The following TTC21A variants were observed in gnomAD, a reference collection of about 807,000 sequenced individuals.
TTC21A encodes the protein tetratricopeptide repeat protein 21A.
Under a neutral mutation model 156.4 loss-of-function variants are expected in TTC21A, and 128 were observed. That is an observed-to-expected ratio of 0.82 (90% CI 0.71 to 0.95). The LOEUF (loss-of-function observed/expected upper bound fraction) is 0.95, where lower values mean the gene tolerates loss of function less well. TTC21A is among the 40% of genes least tolerant of loss of function. The probability of loss-of-function intolerance (pLI) is 0.00; values close to 1 mark genes in which losing one functional copy is unlikely to be tolerated. For missense variants in TTC21A, 1,435 were observed against 1,602.3 expected, an observed-to-expected ratio of 0.90 and a Z score of 1.78; for synonymous variants, 587 against 617.1, an observed-to-expected ratio of 0.95 and a Z score of 0.72.
rs2039166356 is a variant in TTC21A, at chr3:39,137,057, G to A, written c.3254G>A (p.Ser1085Asn). 4 of 1,613,788 alleles carry A rather than the reference G, an allele frequency of 2.5e-6. No homozygotes were observed. Among genetic ancestry groups the A allele is most frequent in the Non-Finnish European group, 3.4e-6 (4 of 1,179,886 alleles). ...GEAFENQGAE[S>N]NYMEKKELEQ... is the part of the protein sequence containing the mutation. ...GCTTTTGAGAACCAGGGAGCTGAGA[G>A]CAAGTAAGGGCCCATGGAGGCAGGG... The change falls in exon 24 of 29, where the codon AGC (serine) becomes AAC (asparagine). Residue 1085 changes from serine (S) to asparagine (N), a missense_variant. Physicochemically the swap from Ser to Asn is conservative, Grantham distance 46. Coordinates refer to ENST00000683103, the MANE Select transcript of TTC21A (RefSeq NM_001366900.1).
In TTC21A at chr3:39,121,102, T is replaced by C. The variant is rs769246568; in HGVS notation, c.1006T>C (p.Phe336Leu). The C allele has an allele frequency of 3.7e-5, 60 of 1,614,002 alleles. No individual in the cohort carries two copies. Among genetic ancestry groups the C allele is most frequent in the Non-Finnish European group, 4.8e-5 (57 of 1,180,004 alleles). Residue 336 changes from phenylalanine (F) to leucine (L), a missense_variant, in exon 9 of 29, where the codon TTC becomes CTC. Physicochemically the swap from Phe to Leu is conservative, Grantham distance 22. Transcript: ENST00000683103. ...VHVATELGYL[F>L]ILKNQVKEAL... ...TGTGGCCACAGAACTGGGCTATCTC[T>C]TCATCCTGAAGAACCAAGTGAAAGA...
intron 8 of TTC21A, among the ~76,000 whole-genome samples, chr3:39,120,653 T>G (rs1207324618): frequency 6.6e-6 from 1 of 152,236 alleles, no homozygotes; most frequent in Non-Finnish European, 1.5e-5. Flanking sequence ...GCAGGGAACA[T>G]GGCTGATGGC....
rs912407415 is a variant in TTC21A at position 39,138,694 on chromosome 3, T to TTC, written c.3865-9_3865-8dup. The TTC allele has an allele frequency of 4.3e-6, 7 of 1,614,050 alleles. No homozygotes were observed. The highest frequency in any genetic ancestry group is 1.3e-5 in the African/African-American group (1 of 75,034). On this transcript the variant is annotated splice_polypyrimidine_tract_variant and intron_variant, in intron 28 of 28. Coordinates refer to ENST00000683103, the MANE Select transcript of TTC21A (RefSeq NM_001366900.1). ...AAACCTGCATGATACTGCACACCCA[T>TTC]TCTCTCTCTGTTCCAGGTCCTCAGG... is the stretch of plus-strand genomic sequence containing the variant.
At chr3:39,138,061 C>G in intron 26 of TTC21A, 1 of 677,812 alleles carries the variant, frequency 1.5e-6, no homozygotes, top group Non-Finnish European at 2.5e-6. Context: ...AAAGGGGTTA[C>G]GCCAGTGTCT....
At chr3:39,124,837 C>T (rs1288853373) in intron 9 of TTC21A, among the ~76,000 whole-genome samples, 1 of 152,038 alleles carries the variant, frequency 6.6e-6, no homozygotes, top group Non-Finnish European at 1.5e-5. Context: ...TAGAGAGAGA[C>T]ATTGTTACAG....
chr3:39,114,757 A>C lies in TTC21A; in HGVS notation c.716+15A>C, dbSNP rs756324556. ...ATGGGACACAGGTGAGCTACTGCAC[A>C]AATGGGCAGCCAAGGGTGGTAACAG... On this transcript the variant is annotated intron_variant, in intron 6 of 28. Transcript: ENST00000683103. 6.2e-7 allele frequency: 1 copy of C among 1,614,122 alleles called. No individual in the cohort carries two copies.
chr3:39,112,391 C>A, intron 4 of TTC21A, 67 bp from the exon 5 acceptor site: 1 of 1,563,142 alleles, frequency 6.4e-7, no homozygotes, highest in Non-Finnish European at 8.8e-7. Context: ...AAGTGTGGAT[C>A]ATGTGCAGGC....
Position 39,138,892 on chromosome 3 carries a change from T to C in TTC21A, c.*104T>C, listed in dbSNP as rs1210808468. On this transcript the variant is annotated 3_prime_UTR_variant, in exon 29 of 29. Transcript: ENST00000683103. The stretch of plus-strand genomic sequence containing the variant: ...AGAAGGGATTCAGAAAATGACACAT[T>C]CTTCCCCATTTCTATAGTGTATGTG... 1 of 898,744 alleles carries C rather than the reference T, an allele frequency of 1.1e-6. No individual in the cohort carries two copies. The highest frequency in any genetic ancestry group is 1.7e-6 in the Non-Finnish European group (1 of 576,970). The allele number at this position is 898,744 out of a possible 1,614,324, so 55.7% of individuals were successfully genotyped here.
At chr3:39,114,506 C>A in intron 5 of TTC21A, 79 bp from the exon 6 acceptor site, 3 of 1,430,976 alleles carry the variant, frequency 2.1e-6, no homozygotes, top group Non-Finnish European at 2.9e-6. Flanking sequence ...TTCATGGAGA[C>A]ACAGAGACAA....
intron 13 of TTC21A, 98 bp from the exon 14 acceptor site, chr3:39,128,619 C>T (rs985966235): frequency 1.3e-6 from 2 of 1,554,952 alleles, no homozygotes. Flanking sequence ...CAGGGGTAGG[C>T]TCAGTGGGCT....
chr3:39,128,747 A>C lies in TTC21A; in HGVS notation c.1711A>C (p.Lys571Gln). ...AGATCACCCCCTCTACCACCTCATC[A>C]AGGCCAGGGCCCTCAACAAGGCTGG... is the stretch of plus-strand genomic sequence containing the variant. The part of the protein sequence containing the change: ...VRDHPLYHLI[K>Q]ARALNKAGDY... The change falls in exon 14 of 29, where the codon AAG becomes CAG. Residue 571 changes from lysine (K) to glutamine (Q), a missense_variant. Transcript: ENST00000683103. 1 of 1,614,112 alleles carries C rather than the reference A, an allele frequency of 6.2e-7. No individual in the cohort carries two copies. Among genetic ancestry groups the C allele is most frequent in the Non-Finnish European group, 8.5e-7 (1 of 1,180,022 alleles).
rs758047012 is a variant in TTC21A, at chr3:39,121,046, G to A, written c.950G>A (p.Arg317His). The A allele has an allele frequency of 1.9e-6, 3 of 1,613,348 alleles. No homozygotes were observed. Among genetic ancestry groups the A allele is most frequent in the Admixed American group, 1.7e-5 (1 of 59,938 alleles). ...ILGLVCSFIERTFMATPSYVH... is the reference protein window; with the variant it reads ...ILGLVCSFIEHTFMATPSYVH... Reference sequence around the variant, plus strand: ...GGGCTAGTGTGTAGTTTCATCGAGCGCACCTTCATGGCCACCCCCTCGTAT... The same window carrying A: ...GGGCTAGTGTGTAGTTTCATCGAGCACACCTTCATGGCCACCCCCTCGTAT... The change falls in exon 9 of 29, where the codon CGC (arginine) becomes CAC (histidine). Residue 317 changes from arginine (R) to histidine (H), a missense_variant. Physicochemically the swap from Arg to His is conservative, Grantham distance 29 (BLOSUM62 0). Transcript: ENST00000683103.
rs746533887 is a variant in TTC21A at position 39,130,272 on chromosome 3, G to A, written c.2233G>A (p.Asp745Asn). 11 of 1,613,780 alleles carry A rather than the reference G, an allele frequency of 6.8e-6. No individual in the cohort carries two copies. The South Asian group carries it at 1.1e-4, about 16-fold the overall frequency. ...LEPEKALEVYDEAYRQNPHDA... is the reference protein window; with the variant it reads ...LEPEKALEVYNEAYRQNPHDA... Reference sequence around the variant, plus strand: ...GCCCGAGAAGGCCCTGGAGGTCTATGATGAGGCCTATAGACAGAACCCACA... The same window carrying A: ...GCCCGAGAAGGCCCTGGAGGTCTATAATGAGGCCTATAGACAGAACCCACA... The change falls in exon 17 of 29, where the codon GAT (aspartate) becomes AAT (asparagine). Residue 745 changes from aspartate to asparagine, a missense_variant. Physicochemically the swap from Asp to Asn is conservative, Grantham distance 23. Transcript: ENST00000683103. The surrounding 1 kb of genome is among the most constrained non-coding windows in gnomAD (Gnocchi z 4.5).
chr3:39,112,418 A>G (rs1258433270), intron 4 of TTC21A, 40 bp from the exon 5 acceptor site: 4 of 1,609,426 alleles, frequency 2.5e-6, no homozygotes, highest in Non-Finnish European at 2.6e-6. Flanking sequence ...GATTCTGTGC[A>G]GGACCAAGGA....
intron 9 of TTC21A, 148 bp from the exon 10 acceptor site, chr3:39,124,915 A>G (rs1271588873): frequency 7.8e-6 from 5 of 638,820 alleles, no homozygotes; most frequent in Non-Finnish European, 1.4e-5. Context: ...ATGAGCATGT[A>G]TTTCTCTTTA....
At position 39,129,207 on chromosome 3, in the gene TTC21A, A is replaced by T; in HGVS notation, c.2032A>T (p.Asn678Tyr). 1 of 1,614,210 alleles carries T rather than the reference A, an allele frequency of 6.2e-7. No homozygotes were observed. ...GGACGTGGCGCTGAACATGCTAAGG[A>T]ACATCTTGCCCAAGCAGTCCTGCTA... ...NVDVALNMLR[N>Y]ILPKQSCYME... Residue 678 changes from asparagine (N) to tyrosine (Y), a missense_variant, in exon 15 of 29, where the codon AAC becomes TAC. Coordinates refer to ENST00000683103, the MANE Select transcript of TTC21A (RefSeq NM_001366900.1).
In TTC21A at chr3:39,135,115, GA is replaced by G. The variant is rs780422502; in HGVS notation, c.2889del (p.Lys963AsnfsTer28). The G allele has an allele frequency of 4.5e-5, 72 of 1,613,186 alleles. No individual in the cohort carries two copies. Among genetic ancestry groups the G allele is most frequent in the Non-Finnish European group, 5.8e-5 (68 of 1,179,674 alleles). Reference protein sequence around the residue: ...ASVLMADLMFRKQKHEAAINL... With the variant: ...ASVLMADLMFXKQKHEAAINL... ...TAGTTGATGGCTGACCTGATGTTTA[GA>G]AAACAGAAACATGAAGCGGCCATCA... On this transcript the variant is annotated frameshift_variant, in exon 22 of 29. Coordinates refer to ENST00000683103, the MANE Select transcript of TTC21A (RefSeq NM_001366900.1). LOFTEE classifies it high-confidence loss of function.
chr3:39,115,939 A>C (rs1375212164), intron 6 of TTC21A, among the ~76,000 whole-genome samples: 1 of 152,226 alleles, frequency 6.6e-6, no homozygotes, highest in Non-Finnish European at 1.5e-5. Context: ...GCTGGTAGCA[A>C]ATCAAACTTA....
At chr3:39,135,016 C>CA in intron 21 of TTC21A, 77 bp from the exon 22 acceptor site, 1 of 1,271,108 alleles carries the variant, frequency 7.9e-7, no homozygotes, top group Non-Finnish European at 1.2e-6. Flanking sequence ...CCATCACCCC[C>CA]ATACCCCCCG....
Sources: allele counts gnomAD v4.1 joint callset (sites outside exome capture counted in the v4.1 genomes callset), GRCh38; gene constraint gnomAD v4.1.1; non-coding constraint Gnocchi (gnomAD v3.1); transcripts MANE v1.5; gene names NCBI Gene and HGNC (gene_info 2026-07-23, HGNC 2026-07-21).